Variants in SCRT2 observed in about 807,000 individuals in gnomAD.
SCRT2 encodes transcriptional repressor scratch 2.
SCRT2 carries 2 observed loss-of-function variants against 3.7 expected under a neutral mutation model. The observed-to-expected ratio is 0.54, with a 90% confidence interval of 0.22 to 1.70. The LOEUF (loss-of-function observed/expected upper bound fraction) is 1.70, where lower values mean the gene tolerates loss of function less well. SCRT2 is among the 40% of genes most tolerant of loss of function. The pLI, the probability that SCRT2 is intolerant of heterozygous loss-of-function variation, is 0.19. For synonymous variants in SCRT2, 256 were observed against 220.6 expected (o/e 1.16, Z -1.42); for missense variants, 456 against 468.5 (o/e 0.97, Z 0.25).
chr20:664,449 T>G lies in SCRT2; in HGVS notation c.146A>C (p.His49Pro), dbSNP rs1600471427. The G allele has an allele frequency of 7.9e-7, 1 of 1,271,910 alleles. No individual in the cohort carries two copies. Among genetic ancestry groups the G allele is most frequent in the Non-Finnish European group, 9.9e-7 (1 of 1,005,900 alleles). The allele number at this position is 1,271,910 out of a possible 1,614,324, so 78.8% of individuals were successfully genotyped here. Reference protein sequence around the residue: ...GPPGDNGYAPHRLPPSSYDAD... With the variant: ...GPPGDNGYAPPRLPPSSYDAD... The stretch of plus-strand genomic sequence containing the variant: ...ATCGTAGCTGCTCGGGGGCAGGCGG[T>G]GCGGGGCGTACCCTGGAGGGGGCGA... Residue 49 changes from histidine to proline, a missense_variant, in exon 2 of 2, where the codon CAC becomes CCC. Transcript: ENST00000246104. The surrounding 1 kb of genome is among the most constrained non-coding windows in gnomAD (Gnocchi z 7.9).
Position 663,568 on chromosome 20 carries a change from G to A in SCRT2, c.*103C>T, listed in dbSNP as rs1984031603. The A allele has an allele frequency of 1.8e-6, 2 of 1,132,838 alleles. No individual in the cohort carries two copies. The highest frequency in any genetic ancestry group is 1.6e-5 in the African/African-American group (1 of 61,078). 70.2% of individuals were successfully genotyped at this position (1,132,838 alleles called of 1,614,324 possible). Reference sequence around the variant, plus strand: ...GGGGGTCCCCACGAGAGGGTCATGGGCAGGGAAACGCAGCCGGGGCTGGGC... The same window carrying A: ...GGGGGTCCCCACGAGAGGGTCATGGACAGGGAAACGCAGCCGGGGCTGGGC... On this transcript the variant is annotated 3_prime_UTR_variant, in exon 2 of 2. Coordinates refer to ENST00000246104, the MANE Select transcript of SCRT2 (RefSeq NM_033129.4). The surrounding 1 kb of genome is among the most constrained non-coding windows in gnomAD (Gnocchi z 6.9).
intron 1 of SCRT2, among the ~76,000 whole-genome samples, chr20:672,231 A>T (rs1984356120): frequency 1.3e-5 from 2 of 152,142 alleles, no homozygotes; most frequent in Admixed American, 1.3e-4. Flanking sequence ...CTCTGCAGAG[A>T]GACCTGGTGC....
In SCRT2 at chr20:663,852, G is replaced by C; in HGVS notation, c.743C>G (p.Ala248Gly). The part of the protein sequence containing the change: ...KPFGCAHCGK[A>G]FADRSNLRAH... ...GCGCAGGTTGGAGCGGTCGGCGAAG[G>C]CCTTGCCGCAGTGCGCGCAGCCGAA... The change falls in exon 2 of 2, where the codon GCC becomes GGC. Residue 248 changes from alanine (A) to glycine (G), a missense_variant. This residue lies in a region of SCRT2 where 144 missense variants were observed against 141.9 expected (regional missense o/e 1.01). Coordinates refer to ENST00000246104, the MANE Select transcript of SCRT2 (RefSeq NM_033129.4). This position sits in a 1 kb window ranked among gnomAD's most constrained non-coding sequence, Gnocchi z 6.9. 1 of 1,598,144 alleles carries C rather than the reference G, an allele frequency of 6.3e-7. No individual in the cohort carries two copies. The highest frequency in any genetic ancestry group is 8.5e-7 in the Non-Finnish European group (1 of 1,174,674).
At chr20:672,425 G>GCA (rs1984368840) in intron 1 of SCRT2, among the ~76,000 whole-genome samples, 2 of 151,266 alleles carry the variant, frequency 1.3e-5, no homozygotes, top group Non-Finnish European at 3.0e-5. Flanking sequence ...GTGTGTGTGC[G>GCA]CGCGTGCGTG....
At chr20:670,570 G>C (rs1181758707) in intron 1 of SCRT2, among the ~76,000 whole-genome samples, 1 of 152,222 alleles carries the variant, frequency 6.6e-6, no homozygotes, top group Non-Finnish European at 1.5e-5. Context: ...TTATGCTCTT[G>C]TGACTTTGGG....
At position 675,562 on chromosome 20, in the gene SCRT2, C is replaced by G. The variant is rs910578728; in HGVS notation, c.40G>C (p.Gly14Arg). ...GCCGGCACCCCGCTGCACTGGAAGCCGTCCCCTTTGATCTTCTTTACCAGG... is the reference window on the plus strand; with the variant it reads ...GCCGGCACCCCGCTGCACTGGAAGCGGTCCCCTTTGATCTTCTTTACCAGG... ...SFLVKKIKGD[G>R]FQCSGVPAPT... Residue 14 changes from glycine to arginine, a missense_variant, in exon 1 of 2, where the codon GGC becomes CGC. By Grantham distance (125) the Gly-to-Arg change is moderately radical. Coordinates refer to ENST00000246104, the MANE Select transcript of SCRT2 (RefSeq NM_033129.4). The surrounding 1 kb of genome is among the most constrained non-coding windows in gnomAD (Gnocchi z 6.9). The G allele has an allele frequency of 7.3e-7, 1 of 1,377,298 alleles. No homozygotes were observed. The highest frequency in any genetic ancestry group is 9.4e-7 in the Non-Finnish European group (1 of 1,061,130). The allele number at this position is 1,377,298 out of a possible 1,614,324, so 85.3% of individuals were successfully genotyped here. A position where few individuals can be genotyped will look rare whatever the true frequency, so the allele number is the denominator to read the frequency against.
In SCRT2 at chr20:667,586, C is replaced by T. The variant is rs995920444; in HGVS notation, c.134-3125G>A. On this transcript the variant is annotated intron_variant, in intron 1 of 1. Transcript: ENST00000246104. The surrounding 1 kb of genome is among the most constrained non-coding windows in gnomAD (Gnocchi z 4.4). Reference sequence around the variant, plus strand: ...ACCAGAGCGTTCTCCATGAGGTGCTCTGCCCATGGCGCCCTCTGCTGGTGG... The same window carrying T: ...ACCAGAGCGTTCTCCATGAGGTGCTTTGCCCATGGCGCCCTCTGCTGGTGG... 6.6e-6 allele frequency among the ~76,000 whole-genome samples: 1 copy of T among 152,182 alleles called. No homozygotes were observed. The highest frequency in any genetic ancestry group is 1.5e-5 in the Non-Finnish European group (1 of 68,026).
chr20:669,672 G>T (rs1158877943), intron 1 of SCRT2, among the ~76,000 whole-genome samples: 1 of 152,252 alleles, frequency 6.6e-6, no homozygotes, highest in African/African-American at 2.4e-5. Context: ...CTGTGCCAGG[G>T]CCTCGGGCCT....
rs1984209254 is a variant in SCRT2 at position 667,966 on chromosome 20, C to T, written c.134-3505G>A. Among the ~76,000 whole-genome samples, 1 of 152,178 alleles carries T rather than the reference C, an allele frequency of 6.6e-6. No individual in the cohort carries two copies. On this transcript the variant is annotated intron_variant, in intron 1 of 1. Coordinates refer to ENST00000246104, the MANE Select transcript of SCRT2 (RefSeq NM_033129.4). The surrounding 1 kb of genome is among the most constrained non-coding windows in gnomAD (Gnocchi z 4.4). ...GTCCCTCCATGATGCTCTTTGTCCC[C>T]TCCACTCCCAGCTCCTCCAATTCCA...
intron 1 of SCRT2, among the ~76,000 whole-genome samples, chr20:671,769 T>G (rs544681485): frequency 6.6e-6 from 1 of 152,184 alleles, no homozygotes; most frequent in South Asian, 2.1e-4. Flanking sequence ...ACTGTGTTAT[T>G]GGATTGGCAT....
Position 675,271 on chromosome 20 carries a change from G to A in SCRT2, c.133+198C>T, listed in dbSNP as rs1016475341. 2.6e-5 allele frequency among the ~76,000 whole-genome samples: 4 copies of A among 152,092 alleles called. No homozygotes were observed. Among genetic ancestry groups the A allele is most frequent in the Non-Finnish European group, 5.9e-5 (4 of 67,992 alleles). The stretch of plus-strand genomic sequence containing the variant: ...CGTGGCTGCGGGATGGGCCGACCCC[G>A]CGACTTTCCCTTTGTACGACCTAGC... On this transcript the variant is annotated intron_variant, in intron 1 of 1. Transcript: ENST00000246104. This position sits in a 1 kb window ranked among gnomAD's most constrained non-coding sequence, Gnocchi z 6.9.
intron 1 of SCRT2, among the ~76,000 whole-genome samples, chr20:674,741 TGAG>T (rs1555778809): frequency 8.2e-6 from 1 of 121,566 alleles, no homozygotes; most frequent in Non-Finnish European, 1.8e-5. Context: ...GTATGTGTAG[TGAG>T]GAGGGGGCTT....
In SCRT2 at chr20:663,088, G is replaced by A. The variant is rs118135623; in HGVS notation, c.*583C>T. ...GGGACAGATCGGAGACTTCAAGAAG[G>A]GTGAAGATTAGATCCCCAGATGGAC... On this transcript the variant is annotated 3_prime_UTR_variant, in exon 2 of 2. Coordinates refer to ENST00000246104, the MANE Select transcript of SCRT2 (RefSeq NM_033129.4). This position sits in a 1 kb window ranked among gnomAD's most constrained non-coding sequence, Gnocchi z 6.9. 2,469 of 152,738 alleles carry A rather than the reference G, an allele frequency of 0.016. 36 individuals carry two copies. Among genetic ancestry groups the A allele is most frequent in the Non-Finnish European group, 0.025 (1,745 of 68,448 alleles). 9.5% of individuals were successfully genotyped at this position (152,738 alleles called of 1,614,324 possible).
intron 1 of SCRT2, among the ~76,000 whole-genome samples, chr20:668,383 G>C (rs1460142433): frequency 6.6e-6 from 1 of 152,174 alleles, no homozygotes; most frequent in Admixed American, 6.5e-5. Context: ...CCCTAAGAGT[G>C]ACTATAGAAG....
At chr20:668,294 C>T (rs1482875093) in intron 1 of SCRT2, among the ~76,000 whole-genome samples, 3 of 152,128 alleles carry the variant, frequency 2.0e-5, no homozygotes, top group Non-Finnish European at 4.4e-5. Context: ...CTCTGAGCCT[C>T]AACCCTGGAG....
intron 1 of SCRT2, among the ~76,000 whole-genome samples, chr20:673,507 A>G (rs890425235): frequency 6.6e-6 from 1 of 152,202 alleles, no homozygotes; most frequent in African/African-American, 2.4e-5. Flanking sequence ...CTATCAGCAC[A>G]GCCTCAGGAT....
intron 1 of SCRT2, among the ~76,000 whole-genome samples, chr20:672,072 A>G (rs1000721049): frequency 6.6e-6 from 1 of 151,982 alleles, no homozygotes; most frequent in Non-Finnish European, 1.5e-5. Flanking sequence ...GAGGGTTAGG[A>G]TGATGTAAGT....
chr20:668,210 T>C (rs1484331680), intron 1 of SCRT2, among the ~76,000 whole-genome samples: 1 of 152,202 alleles, frequency 6.6e-6, no homozygotes, highest in Non-Finnish European at 1.5e-5. Flanking sequence ...TATATCCTTC[T>C]AATCTGCCAG....
rs752307995 is a variant in SCRT2 at position 675,443 on chromosome 20, C to T, written c.133+26G>A. 3.1e-6 allele frequency: 4 copies of T among 1,298,958 alleles called. No homozygotes were observed. Among genetic ancestry groups the T allele is most frequent in the Non-Finnish European group, 3.9e-6 (4 of 1,014,608 alleles). 80.5% of individuals were successfully genotyped at this position (1,298,958 alleles called of 1,614,324 possible). On this transcript the variant is annotated intron_variant, in intron 1 of 1. Transcript: ENST00000246104. This position sits in a 1 kb window ranked among gnomAD's most constrained non-coding sequence, Gnocchi z 6.9. ...GCTCCCCTCGCCTCTTCTCCCAACCCCCCGCCCCCGCCGGGTCCCACTCAC... is the reference window on the plus strand; with the variant it reads ...GCTCCCCTCGCCTCTTCTCCCAACCTCCCGCCCCCGCCGGGTCCCACTCAC...
Sources: allele counts gnomAD v4.1 joint callset (sites outside exome capture counted in the v4.1 genomes callset), GRCh38; gene constraint gnomAD v4.1.1; regional missense constraint gnomAD v4.1.1; non-coding constraint Gnocchi (gnomAD v3.1); transcripts MANE v1.5; gene names NCBI Gene and HGNC (gene_info 2026-07-23, HGNC 2026-07-21).